RYR2: variants seen among roughly 807,000 people sequenced by gnomAD.
RYR2 encodes ryanodine receptor 2.
In RYR2, 227 loss-of-function variants were observed where a neutral mutation model predicts 601.1. The ratio of observed to expected loss-of-function variants is 0.38; its 90% CI spans 0.34 to 0.42. RYR2 has a LOEUF of 0.42. Ranked by LOEUF, RYR2 falls within the 10% of genes least tolerant of loss-of-function variation. The pLI, the probability that RYR2 is intolerant of heterozygous loss-of-function variation, is 1.00. For synonymous variants in RYR2, 2,223 were observed against 2,175.1 expected, an observed-to-expected ratio of 1.02 and a Z score of -0.61; for missense variants, 4,646 against 6,156.5, an observed-to-expected ratio of 0.75 and a Z score of 8.21.
intron 1 of RYR2, among the ~76,000 whole-genome samples, chr1:237,108,041 G>A (rs751847986): frequency 6.6e-6 from 1 of 152,178 alleles, no homozygotes; most frequent in African/African-American, 2.4e-5. Context: ...TAACCTTCCT[G>A]GTGGTGCTGG....
chr1:237,302,312 A>G (rs1006528506), intron 2 of RYR2, among the ~76,000 whole-genome samples: 4 of 152,208 alleles, frequency 2.6e-5, no homozygotes, highest in Admixed American at 1.3e-4. Context: ...GGCTTAACAT[A>G]AGTCTTTAAT....
intron 1 of RYR2, among the ~76,000 whole-genome samples, chr1:237,239,833 A>C: frequency 6.6e-6 from 1 of 152,202 alleles, no homozygotes; most frequent in East Asian, 1.9e-4. Flanking sequence ...TGGACTAGGT[A>C]GTGTATAAAC....
chr1:237,128,529 A>G (rs1471796744), intron 1 of RYR2, among the ~76,000 whole-genome samples: 1 of 152,178 alleles, frequency 6.6e-6, no homozygotes, highest in Non-Finnish European at 1.5e-5. Flanking sequence ...GTGGTAAGAG[A>G]TCAGAGAGAG....
chr1:237,737,604 A>T (rs1691261336), intron 79 of RYR2, among the ~76,000 whole-genome samples: 1 of 152,224 alleles, frequency 6.6e-6, no homozygotes, highest in Admixed American at 6.5e-5. Flanking sequence ...AATTCAAGTC[A>T]GACCATTGCC....
intron 95 of RYR2, among the ~76,000 whole-genome samples, chr1:237,795,031 T>G (rs1658939843): frequency 6.6e-6 from 1 of 152,222 alleles, no homozygotes; most frequent in Admixed American, 6.5e-5. Flanking sequence ...CAATGCTACC[T>G]AATAAATATG....
intron 12 of RYR2, among the ~76,000 whole-genome samples, chr1:237,425,343 C>A (rs1189757438): frequency 6.6e-6 from 1 of 152,160 alleles, no homozygotes; most frequent in Non-Finnish European, 1.5e-5. Context: ...TTGAAATCTA[C>A]ATTTTGACTC....
At chr1:237,222,148 C>T (rs1451965443) in intron 1 of RYR2, among the ~76,000 whole-genome samples, 1 of 152,030 alleles carries the variant, frequency 6.6e-6, no homozygotes, top group Non-Finnish European at 1.5e-5. Flanking sequence ...GGCGCGGTGG[C>T]TCACACCTGT....
At position 237,610,823 on chromosome 1, in the gene RYR2, G is replaced by C; in HGVS notation, c.4745G>C (p.Cys1582Ser). 2 of 1,612,152 alleles carry C rather than the reference G, an allele frequency of 1.2e-6. No individual in the cohort carries two copies. The highest frequency in any genetic ancestry group is 1.7e-6 in the Non-Finnish European group (2 of 1,179,292). Residue 1582 changes from cysteine (C) to serine (S), a missense_variant, in exon 36 of 105, where the codon TGC becomes TCC. By Grantham distance (112) the Cys-to-Ser change is moderately radical. Coordinates refer to ENST00000366574, the MANE Select transcript of RYR2 (RefSeq NM_001035.3). The surrounding 1 kb of genome is among the most constrained non-coding windows in gnomAD (Gnocchi z 4.9). ...KSEHKNPVPQ[C>S]PPRLHVQFLS... ...GAGCACAAGAACCCCGTGCCGCAGT[G>C]CCCCCCGCGCCTCCACGTGCAGTTC...
At chr1:237,151,916 G>A (rs1023064313) in intron 1 of RYR2, among the ~76,000 whole-genome samples, 33 of 152,088 alleles carry the variant, frequency 2.2e-4, no homozygotes, top group African/African-American at 8.0e-4. Context: ...AGATAAACAT[G>A]TGCCATGGGT....
intron 10 of RYR2, among the ~76,000 whole-genome samples, chr1:237,401,684 A>G (rs1703362742): frequency 6.6e-6 from 1 of 152,194 alleles, no homozygotes; most frequent in Admixed American, 6.5e-5. Context: ...CAGTTTTATT[A>G]TGTAAGAATG....
At chr1:237,718,338 T>C (rs1689429766) in intron 72 of RYR2, 124 bp from the exon 73 acceptor site, 2 of 498,604 alleles carry the variant, frequency 4.0e-6, no homozygotes, top group Non-Finnish European at 3.6e-6. Context: ...ATTTGTAGCA[T>C]GTAATTTTAT....
At chr1:237,720,555 C>G (rs1689633494) in intron 73 of RYR2, among the ~76,000 whole-genome samples, 2 of 152,310 alleles carry the variant, frequency 1.3e-5, no homozygotes, top group African/African-American at 4.8e-5. Context: ...TATAAAGCCT[C>G]TATTGGAACT....
chr1:237,527,586 T>C (rs1336538090), intron 24 of RYR2, among the ~76,000 whole-genome samples: 3 of 152,168 alleles, frequency 2.0e-5, no homozygotes, highest in African/African-American at 7.2e-5. Context: ...CTTCTGTAGG[T>C]TGTCTGTCTT....
intron 2 of RYR2, among the ~76,000 whole-genome samples, chr1:237,303,393 G>T (rs569408729): frequency 7.0e-6 from 1 of 143,140 alleles, no homozygotes; most frequent in South Asian, 2.2e-4. Context: ...TCTGCCTCTC[G>T]GGTTCAAGTG....
chr1:237,518,195 A>G (rs1666746263), intron 24 of RYR2, among the ~76,000 whole-genome samples: 1 of 152,176 alleles, frequency 6.6e-6, no homozygotes, highest in African/African-American at 2.4e-5. Flanking sequence ...ACCTGAAATT[A>G]TAATATCCTC....
At chr1:237,278,245 A>ATTTTTT (rs71561863) in intron 2 of RYR2, among the ~76,000 whole-genome samples, 2 of 67,000 alleles carry the variant, frequency 3.0e-5, no homozygotes, top group African/African-American at 5.6e-5. Flanking sequence ...TAATTTTTGT[A>ATTTTTT]TTTTTTTTTT....
chr1:237,355,101 T>A (rs1227208558), intron 3 of RYR2, among the ~76,000 whole-genome samples: 1 of 152,082 alleles, frequency 6.6e-6, no homozygotes, highest in African/African-American at 2.4e-5. Context: ...ACCTAATTAA[T>A]GAGTTTTCTA....
At chr1:237,492,801 G>A (rs577140232) in intron 18 of RYR2, among the ~76,000 whole-genome samples, 153 bp from the exon 19 acceptor site, 2 of 138,906 alleles carry the variant, frequency 1.4e-5, no homozygotes, top group African/African-American at 5.4e-5. Flanking sequence ...TTCAGCCTGG[G>A]TGACAGAGTG....
At chr1:237,062,122 T>C (rs1349087826) in intron 1 of RYR2, among the ~76,000 whole-genome samples, 9 of 152,224 alleles carry the variant, frequency 5.9e-5, no homozygotes. Context: ...AATTTATAAC[T>C]TTTAAATTAA....
Sources: allele counts gnomAD v4.1 joint callset (sites outside exome capture counted in the v4.1 genomes callset), GRCh38; gene constraint gnomAD v4.1.1; non-coding constraint Gnocchi (gnomAD v3.1); transcripts MANE v1.5; gene names NCBI Gene and HGNC (gene_info 2026-07-23, HGNC 2026-07-21).